DNAJC6: variants seen among roughly 807,000 people sequenced by gnomAD.
The protein encoded by DNAJC6 is DnaJ heat shock protein family (Hsp40) member C6.
DNAJC6 carries 34 observed loss-of-function variants against 110.0 expected under a neutral mutation model. That is an observed-to-expected ratio of 0.31 (90% CI 0.24 to 0.41). DNAJC6 has a LOEUF of 0.41. DNAJC6 is among the 10% of genes least tolerant of loss of function. DNAJC6 has a pLI of 1.00. For missense variants in DNAJC6, 1,031 were observed against 1,207.8 expected, an observed-to-expected ratio of 0.85 and a Z score of 2.17; for synonymous variants, 406 against 437.2, an observed-to-expected ratio of 0.93 and a Z score of 0.89.
chr1:65,415,708 T>G lies in DNAJC6; in HGVS notation c.*2683T>G, dbSNP rs1646165252. On this transcript the variant is annotated 3_prime_UTR_variant, in exon 19 of 19. Coordinates refer to ENST00000371069, the MANE Select transcript of DNAJC6 (RefSeq NM_001256864.2). ...AACAAATGCTGTAATTCAAAAGCAT[T>G]TGACCTGTCACTGTACTATCTACAT... 1.3e-5 allele frequency: 2 copies of G among 152,186 alleles called. No individual in the cohort carries two copies. Among genetic ancestry groups the G allele is most frequent in the African/African-American group, 2.4e-5 (1 of 41,434 alleles). The allele number at this position is 152,186 out of a possible 1,614,324, so 9.4% of individuals were successfully genotyped here.
At chr1:65,334,924 A>C (rs1274274884) in intron 1 of DNAJC6, among the ~76,000 whole-genome samples, 1 of 152,182 alleles carries the variant, frequency 6.6e-6, no homozygotes, top group Non-Finnish European at 1.5e-5. Context: ...GATAAAATTC[A>C]AGTCTTAAAG....
intron 1 of DNAJC6, among the ~76,000 whole-genome samples, chr1:65,351,580 T>G (rs559711133): frequency 2.6e-5 from 4 of 152,212 alleles, no homozygotes; most frequent in Non-Finnish European, 4.4e-5. Flanking sequence ...TTTCTTGGTG[T>G]GAGATCCCTT....
intron 1 of DNAJC6, among the ~76,000 whole-genome samples, chr1:65,265,543 A>T (rs896519249): frequency 1.3e-5 from 2 of 152,186 alleles, no homozygotes; most frequent in African/African-American, 4.8e-5. Flanking sequence ...ATTCTGTTAG[A>T]GGGATGGGGG....
chr1:65,308,090 T>C (rs1645061454), upstream of DNAJC6, among the ~76,000 whole-genome samples: 1 of 152,208 alleles, frequency 6.6e-6, no homozygotes, highest in Non-Finnish European at 1.5e-5. Context: ...ATTTATTTTA[T>C]GTAGAACTGT....
intron 13 of DNAJC6, 21 bp from the exon 14 acceptor site, chr1:65,398,786 CATTCTT>C: frequency 1.9e-6 from 3 of 1,613,356 alleles, no homozygotes; most frequent in Non-Finnish European, 2.5e-6. Context: ...CTCTTGTTCT[CATTCTT>C]TTTCTTTTCC....
Position 65,355,132 on chromosome 1 carries a change from G to C in DNAJC6, c.194-9503G>C, listed in dbSNP as rs143979286. Among the ~76,000 whole-genome samples the C allele has an allele frequency of 2.0e-3, 307 of 152,142 alleles. 8 individuals are homozygous for C. The East Asian group carries it at 0.058, about 29-fold the overall frequency. On this transcript the variant is annotated intron_variant, in intron 1 of 18. Transcript: ENST00000371069. ...ATACAAAAATTAGCCAGGCATGGGT[G>C]CAACCCTGTAGTCCCAGCTACTCAG...
chr1:65,394,107 C>G (rs1385968793), intron 12 of DNAJC6, among the ~76,000 whole-genome samples: 1 of 150,018 alleles, frequency 6.7e-6, no homozygotes, highest in Non-Finnish European at 1.5e-5. Context: ...GATATCAGTA[C>G]TCGATAATTG....
intron 9 of DNAJC6, 62 bp downstream of exon 9, chr1:65,388,477 A>G: frequency 6.8e-7 from 1 of 1,462,818 alleles, no homozygotes; most frequent in Non-Finnish European, 9.6e-7. Context: ...GCTGAGGCTC[A>G]ATGGCACCAG....
At chr1:65,404,905 G>A (rs1408393252) in intron 15 of DNAJC6, among the ~76,000 whole-genome samples, 1 of 152,178 alleles carries the variant, frequency 6.6e-6, no homozygotes, top group Non-Finnish European at 1.5e-5. Flanking sequence ...TGGAGCCAGT[G>A]ATACTACTTA....
intron 1 of DNAJC6, among the ~76,000 whole-genome samples, chr1:65,266,042 G>T (rs1440341057): frequency 1.3e-5 from 2 of 152,246 alleles, no homozygotes; most frequent in African/African-American, 4.8e-5. Context: ...GGGTGCGCAG[G>T]TGGGGGCTGG....
chr1:65,294,635 GA>G (rs1337450015), intron 1 of DNAJC6, among the ~76,000 whole-genome samples: 1 of 152,194 alleles, frequency 6.6e-6, no homozygotes, highest in East Asian at 1.9e-4. Flanking sequence ...CACTTAGGTG[GA>G]AAAATATATA....
At chr1:65,346,283 T>C (rs1407150354) in intron 1 of DNAJC6, among the ~76,000 whole-genome samples, 1 of 152,206 alleles carries the variant, frequency 6.6e-6, no homozygotes, top group Admixed American at 6.5e-5. Flanking sequence ...ATACTTGCTT[T>C]TGAAATATGC....
At chr1:65,334,135 G>T (rs539625781) in intron 1 of DNAJC6, among the ~76,000 whole-genome samples, 53 of 152,276 alleles carry the variant, frequency 3.5e-4, no homozygotes, top group African/African-American at 1.3e-3. Flanking sequence ...GCCCAGATGA[G>T]ATTATACTTG....
chr1:65,385,963 C>G (rs1645868135), intron 7 of DNAJC6, 57 bp downstream of exon 7: 1 of 1,415,324 alleles, frequency 7.1e-7, no homozygotes, highest in Admixed American at 2.0e-5. Context: ...TGTAAATGAG[C>G]AGGAATGAGT....
rs963787316 is a variant in DNAJC6 at position 65,411,881 on chromosome 1, G to A, written c.2811+455G>A. ...AGCCACTCGGGAGGTTGAGGTAGGA[G>A]GATCACTTGAGCCTGGGTGATCAAG... On this transcript the variant is annotated intron_variant, in intron 18 of 18. Transcript: ENST00000371069. Among the ~76,000 whole-genome samples the A allele has an allele frequency of 1.9e-4, 29 of 152,236 alleles. 1 individual carries two copies. In the East Asian group the frequency reaches 5.4e-3, roughly 28 times the overall value.
At chr1:65,308,745 T>C (rs978003080), upstream of DNAJC6, among the ~76,000 whole-genome samples, 2 of 152,222 alleles carry the variant, frequency 1.3e-5, no homozygotes, top group Non-Finnish European at 2.9e-5. Context: ...GCTAGCTAAC[T>C]GAAACAGTCT....
At chr1:65,315,944 G>A (rs541637091) in intron 1 of DNAJC6, among the ~76,000 whole-genome samples, 1 of 152,220 alleles carries the variant, frequency 6.6e-6, no homozygotes, top group Non-Finnish European at 1.5e-5. Flanking sequence ...TTAATCCCAT[G>A]AAAGTACAAA....
At chr1:65,323,886 C>T (rs1175016083) in intron 1 of DNAJC6, among the ~76,000 whole-genome samples, 1 of 152,066 alleles carries the variant, frequency 6.6e-6, no homozygotes, top group African/African-American at 2.4e-5. Context: ...TGTTCAGGCA[C>T]AGTGAGCCAC....
intron 1 of DNAJC6, among the ~76,000 whole-genome samples, chr1:65,348,226 A>C (rs940368489): frequency 2.6e-5 from 4 of 152,146 alleles, no homozygotes; most frequent in Admixed American, 6.6e-5. Flanking sequence ...AACCTTTTGA[A>C]ATTTGTCGAT....
Sources: allele counts gnomAD v4.1 joint callset (sites outside exome capture counted in the v4.1 genomes callset), GRCh38; gene constraint gnomAD v4.1.1; transcripts MANE v1.5; gene names NCBI Gene and HGNC (gene_info 2026-07-23, HGNC 2026-07-21).